RGS12: variants seen among roughly 807,000 people sequenced by gnomAD.
RGS12 encodes the protein regulator of G protein signaling 12, also known as regulator of G-protein signaling 12.
A neutral mutation model predicts 120.1 loss-of-function variants in RGS12; 66 were observed. That is an observed-to-expected ratio of 0.55 (90% confidence interval 0.45 to 0.67). The LOEUF (loss-of-function observed/expected upper bound fraction) is 0.67, where lower values mean the gene tolerates loss of function less well. Ranked by LOEUF, RGS12 falls within the 30% of genes least tolerant of loss-of-function variation. The pLI, the probability that RGS12 is intolerant of heterozygous loss-of-function variation, is 0.00. For synonymous variants in RGS12, 827 were observed against 804.7 expected (o/e 1.03, Z -0.47); for missense variants, 1,859 against 1,957.7 (o/e 0.95, Z 0.95).
chr4:3,434,282 G>A (rs762037035), intron 17 of RGS12, among the ~76,000 whole-genome samples: 10 of 152,038 alleles, frequency 6.6e-5, no homozygotes, highest in Middle Eastern at 3.2e-3. Flanking sequence ...AACAGCATGG[G>A]GGGACCTGCC....
At chr4:3,373,648 C>T (rs1332914741) in intron 3 of RGS12, among the ~76,000 whole-genome samples, 1 of 152,224 alleles carries the variant, frequency 6.6e-6, no homozygotes, top group African/African-American at 2.4e-5. Flanking sequence ...GGCGTGCACA[C>T]CCTGTGTGCT....
chr4:3,289,967 G>A (rs10022193), upstream of RGS12, among the ~76,000 whole-genome samples: 40,105 of 152,108 alleles, frequency 0.26, 6,164 homozygotes, highest in East Asian at 0.44. Flanking sequence ...AGGTTTATCT[G>A]TGTTGTTGCA....
chr4:3,420,389 G>A, intron 9 of RGS12: 3 of 574,140 alleles, frequency 5.2e-6, no homozygotes, highest in Admixed American at 3.1e-5. Context: ...GGATGTGGCA[G>A]TAGACAGGGC....
chr4:3,326,481 A>T (rs1489813964), intron 2 of RGS12, among the ~76,000 whole-genome samples: 1 of 152,176 alleles, frequency 6.6e-6, no homozygotes, highest in Non-Finnish European at 1.5e-5. Flanking sequence ...CTTCTGGCTC[A>T]AGCAATCTGC....
intron 3 of RGS12, among the ~76,000 whole-genome samples, chr4:3,367,983 A>T (rs997135558): frequency 6.6e-6 from 1 of 152,234 alleles, no homozygotes; most frequent in East Asian, 1.9e-4. Flanking sequence ...ATGGAACACA[A>T]TGGGATGAAG....
chr4:3,334,579 CT>C (rs1482153966), intron 2 of RGS12, among the ~76,000 whole-genome samples: 1 of 152,090 alleles, frequency 6.6e-6, no homozygotes, highest in Non-Finnish European at 1.5e-5. Context: ...TCTTCCTTCT[CT>C]TTTCCCTCCC....
chr4:3,319,114 A>G (rs1725014052), intron 2 of RGS12, among the ~76,000 whole-genome samples: 1 of 152,088 alleles, frequency 6.6e-6, no homozygotes, highest in African/African-American at 2.4e-5. Context: ...GATGAAATGT[A>G]GCACCTGAGA....
intron 3 of RGS12, among the ~76,000 whole-genome samples, chr4:3,344,769 C>A (rs1167118890): frequency 6.6e-6 from 1 of 152,222 alleles, no homozygotes; most frequent in Non-Finnish European, 1.5e-5. Context: ...CTTGTGGTCC[C>A]TGCTGTCTTT....
intron 1 of RGS12, among the ~76,000 whole-genome samples, chr4:3,309,341 T>C (rs1237977682): frequency 0.011 from 605 of 55,610 alleles, 3 homozygotes; most frequent in African/African-American, 0.018. Context: ...GGAGCTGGGA[T>C]CCGGGAATGG....
chr4:3,290,989 C>T (rs538368774), upstream of RGS12, among the ~76,000 whole-genome samples: 27 of 152,366 alleles, frequency 1.8e-4, no homozygotes, highest in African/African-American at 5.5e-4. Context: ...GGTGCTTCCT[C>T]CCACAGAAAC....
At chr4:3,352,468 CAAATAGGGAGGGAGACTCTCCAAAAGA>C (rs577439881) in intron 3 of RGS12, among the ~76,000 whole-genome samples, 110 of 152,138 alleles carry the variant, frequency 7.2e-4, no homozygotes, top group African/African-American at 2.6e-3. Context: ...TCCTAAATAA[CAAATAGGGAGGGAGACTCTCCAAAAGA>C]AAATGGTATT....
In RGS12 at chr4:3,317,461, CAGG is replaced by C. The variant is rs1194911154; in HGVS notation, c.1297_1299del (p.Glu433del). ...TGACAGCGGCATTGGGAACTTCCAC[CAGG>C]AGGAGAAGAGCAACCGGGTCCTTGT... On this transcript the variant is annotated inframe_deletion, in exon 2 of 18. Transcript: ENST00000336727. The C allele has an allele frequency of 2.5e-6, 4 of 1,613,902 alleles. No individual in the cohort carries two copies. The highest frequency in any genetic ancestry group is 2.2e-5 in the East Asian group (1 of 44,882).
chr4:3,319,205 G>A (rs1033677064), intron 2 of RGS12, among the ~76,000 whole-genome samples: 2 of 152,124 alleles, frequency 1.3e-5, no homozygotes, highest in Non-Finnish European at 2.9e-5. Context: ...CAGGAAGCTC[G>A]CTTGAGCCCA....
chr4:3,337,265 G>C (rs1560095860), intron 2 of RGS12, among the ~76,000 whole-genome samples: 1 of 152,212 alleles, frequency 6.6e-6, no homozygotes, highest in Non-Finnish European at 1.5e-5. Flanking sequence ...CTGGCGCACT[G>C]CTGGGAATGC....
At chr4:3,427,627 A>G (rs986443582) in intron 14 of RGS12, among the ~76,000 whole-genome samples, 9 of 152,088 alleles carry the variant, frequency 5.9e-5, no homozygotes, top group African/African-American at 1.9e-4. Flanking sequence ...TCCCAGCTAC[A>G]TGGGAGGCTG....
upstream of RGS12, among the ~76,000 whole-genome samples, chr4:3,292,824 A>G (rs767360567): frequency 6.6e-6 from 1 of 151,120 alleles, no homozygotes; most frequent in Non-Finnish European, 1.5e-5. Context: ...GCTTCTTCTC[A>G]TCCCTGCTTC....
intron 4 of RGS12, among the ~76,000 whole-genome samples, chr4:3,388,072 T>C (rs1719042582): frequency 6.6e-6 from 1 of 152,092 alleles, no homozygotes; most frequent in South Asian, 2.1e-4. Context: ...AGGAAGTGTA[T>C]CCTGGCCACG....
At chr4:3,393,901 GAGCAGGT>G (rs1288623854) in intron 4 of RGS12, among the ~76,000 whole-genome samples, 1 of 152,164 alleles carries the variant, frequency 6.6e-6, no homozygotes, top group Non-Finnish European at 1.5e-5. Flanking sequence ...AACCCAGAAA[GAGCAGGT>G]TCTCCTCTCC....
At chr4:3,350,787 C>T (rs1375718827) in intron 3 of RGS12, among the ~76,000 whole-genome samples, 1 of 152,132 alleles carries the variant, frequency 6.6e-6, no homozygotes, top group African/African-American at 2.4e-5. Flanking sequence ...TTGTTTAAGC[C>T]AATCCAAATA....
Sources: gnomAD v4.1 joint callset for allele counts (sites outside exome capture counted in the v4.1 genomes callset) on GRCh38, gnomAD v4.1.1 for gene constraint, MANE v1.5 for transcripts, NCBI Gene and HGNC (gene_info 2026-07-23, HGNC 2026-07-21) for gene names.